Variants in RORB observed in about 807,000 individuals in gnomAD.
The protein encoded by RORB is RAR related orphan receptor B.
A neutral mutation model predicts 59.1 loss-of-function variants in RORB; 6 were observed. The observed-to-expected ratio is 0.10, with a 90% CI of 0.06 to 0.20. The LOEUF (loss-of-function observed/expected upper bound fraction) is 0.20. Among genes scored for constraint, RORB ranks in the 10% least tolerant of loss-of-function variants. RORB has a pLI of 1.00. For missense variants in RORB, 320 were observed against 560.5 expected, an observed-to-expected ratio of 0.57 and a Z score of 4.33; for synonymous variants, 215 against 204.5, an observed-to-expected ratio of 1.05 and a Z score of -0.44.
chr9:74,569,998 C>A (rs1699819738), intron 1 of RORB, among the ~76,000 whole-genome samples: 1 of 151,950 alleles, frequency 6.6e-6, no homozygotes, highest in Admixed American at 6.6e-5. Flanking sequence ...AACAGCATAT[C>A]CATTTTAACA....
rs754133590 is a variant in RORB, at chr9:74,642,475, G to T, written c.297G>T (p.Lys99Asn). The change falls in exon 4 of 10, where the codon AAG becomes AAT. Residue 99 changes from lysine to asparagine, a missense_variant. Transcript: ENST00000376896. ...QRDSLYAEVQ[K>N]HQQRLQEQRQ... ...ACAGCCTGTATGCTGAGGTGCAGAAGCACCAGCAGCGGCTGCAGGAACAGC... is the reference window on the plus strand; with the variant it reads ...ACAGCCTGTATGCTGAGGTGCAGAATCACCAGCAGCGGCTGCAGGAACAGC... 1.2e-6 allele frequency: 2 copies of T among 1,614,234 alleles called. No homozygotes were observed. The highest frequency in any genetic ancestry group is 2.2e-5 in the South Asian group (2 of 91,090).
intron 1 of RORB, chr9:74,498,462 A>AGCG (rs1362989402): frequency 6.3e-6 from 1 of 158,960 alleles, no homozygotes; most frequent in Non-Finnish European, 1.4e-5. Context: ...AGGCCCACTA[A>AGCG]GCGTCCTGGC....
intron 4 of RORB, among the ~76,000 whole-genome samples, chr9:74,651,602 A>G (rs1006311298): frequency 2.0e-5 from 3 of 152,074 alleles, no homozygotes; most frequent in Non-Finnish European, 4.4e-5. Context: ...AGCTTCACAC[A>G]GACCTTAGAA....
Position 74,582,055 on chromosome 9 carries a change from A to G in RORB, c.8-48227A>G, listed in dbSNP as rs764582497. Among the ~76,000 whole-genome samples the G allele has an allele frequency of 3.3e-5, 5 of 152,212 alleles. 1 individual carries two copies. Among genetic ancestry groups the G allele is most frequent in the Admixed American group, 1.3e-4 (2 of 15,278 alleles). ...TTTGTGGTGACAGTATAAATATTCT[A>G]TCATCTATTCAGTGTCTATTTATAT... On this transcript the variant is annotated intron_variant, in intron 1 of 9. Transcript: ENST00000376896.
At chr9:74,674,818 T>C (rs970247434) in intron 9 of RORB, among the ~76,000 whole-genome samples, 1 of 152,200 alleles carries the variant, frequency 6.6e-6, no homozygotes, top group Non-Finnish European at 1.5e-5. Context: ...TTATGATACA[T>C]AGCGTATTTA....
At chr9:74,553,679 C>T (rs1399912684) in intron 1 of RORB, among the ~76,000 whole-genome samples, 4 of 152,208 alleles carry the variant, frequency 2.6e-5, no homozygotes, top group Non-Finnish European at 5.9e-5. Flanking sequence ...TGTACAACCA[C>T]TAATTGATAG....
intron 1 of RORB, among the ~76,000 whole-genome samples, chr9:74,626,981 G>C (rs1823530094): frequency 1.3e-5 from 2 of 152,042 alleles, no homozygotes; most frequent in African/African-American, 4.8e-5. Flanking sequence ...GGCCAACATG[G>C]TGAAACCCCG....
rs137868260 is a variant in RORB at position 74,505,071 on chromosome 9, C to A, written c.7+7088C>A. ...CACAAAATTATCCTTAAAAAAGAAA[C>A]AGCAAGAGCTTTTTAAAAAGGCCTT... On this transcript the variant is annotated intron_variant, in intron 1 of 9. Transcript: ENST00000376896. 5.6e-3 allele frequency among the ~76,000 whole-genome samples: 852 copies of A among 152,122 alleles called. 5 individuals carry two copies. The highest frequency in any genetic ancestry group is 8.3e-3 in the Non-Finnish European group (562 of 67,936).
In RORB at chr9:74,687,636, A is replaced by T. The variant is rs1485724548; in HGVS notation, c.*2018A>T. On this transcript the variant is annotated 3_prime_UTR_variant, in exon 10 of 10. Coordinates refer to ENST00000376896, the MANE Select transcript of RORB (RefSeq NM_006914.4). Reference sequence around the variant, plus strand: ...AAATTACCTTTGGTTCTAAGAAGACAGCTGTAGACTGCTTATTATGCTGCT... The same window carrying T: ...AAATTACCTTTGGTTCTAAGAAGACTGCTGTAGACTGCTTATTATGCTGCT... The T allele has an allele frequency of 6.6e-6, 1 of 152,212 alleles. No homozygotes were observed. Among genetic ancestry groups the T allele is most frequent in the Non-Finnish European group, 1.5e-5 (1 of 68,032 alleles). The allele number at this position is 152,212 out of a possible 1,614,324, so 9.4% of individuals were successfully genotyped here.
chr9:74,689,140 T>G lies in RORB; in HGVS notation c.*3522T>G, dbSNP rs1017743121. 1 of 152,372 alleles carries G rather than the reference T, an allele frequency of 6.6e-6. No individual in the cohort carries two copies. Among genetic ancestry groups the G allele is most frequent in the Non-Finnish European group, 1.5e-5 (1 of 68,190 alleles). 9.4% of individuals were successfully genotyped at this position (152,372 alleles called of 1,614,324 possible). ...TTGAGACAGATCTTGTTCAACATGT[T>G]GCTCAGGCTGGAGTGCAGTGGCATG... On this transcript the variant is annotated 3_prime_UTR_variant, in exon 10 of 10. Transcript: ENST00000376896.
At chr9:74,593,079 T>G (rs960266663) in intron 1 of RORB, among the ~76,000 whole-genome samples, 4 of 152,164 alleles carry the variant, frequency 2.6e-5, no homozygotes, top group African/African-American at 9.7e-5. Flanking sequence ...TAGTGATGTC[T>G]TCCCCAGATA....
intron 1 of RORB, among the ~76,000 whole-genome samples, chr9:74,499,385 C>T (rs1825773012): frequency 6.6e-6 from 1 of 152,162 alleles, no homozygotes; most frequent in Non-Finnish European, 1.5e-5. Flanking sequence ...CTCCCGCACC[C>T]GGTGAGCCCC....
At chr9:74,513,573 C>A (rs1397312884) in intron 1 of RORB, among the ~76,000 whole-genome samples, 3 of 151,778 alleles carry the variant, frequency 2.0e-5, no homozygotes, top group African/African-American at 4.8e-5. Flanking sequence ...ATGGTTAAGT[C>A]TAAAATATAT....
chr9:74,533,425 C>T (rs1287641858), intron 1 of RORB, among the ~76,000 whole-genome samples: 1 of 151,938 alleles, frequency 6.6e-6, no homozygotes, highest in Non-Finnish European at 1.5e-5. Context: ...CTCACAGTGG[C>T]AGTGACAGCA....
Position 74,688,069 on chromosome 9 carries a change from C to T in RORB, c.*2451C>T, listed in dbSNP as rs946244273. ...GGCTCAGAATTTTTTCCTCCCTTTT[C>T]CCATGGGTGATATAGGAAAAAGATT... On this transcript the variant is annotated 3_prime_UTR_variant, in exon 10 of 10. Transcript: ENST00000376896. The T allele has an allele frequency of 9.9e-5, 15 of 152,174 alleles. No individual in the cohort carries two copies. The highest frequency in any genetic ancestry group is 3.6e-4 in the African/African-American group (15 of 41,440). The allele number at this position is 152,174 out of a possible 1,614,324, so 9.4% of individuals were successfully genotyped here. A position where few individuals can be genotyped will look rare whatever the true frequency, so the allele number is the denominator to read the frequency against.
chr9:74,636,254 G>A (rs2118439917), intron 3 of RORB, among the ~76,000 whole-genome samples: 1 of 152,250 alleles, frequency 6.6e-6, no homozygotes, highest in South Asian at 2.1e-4. Flanking sequence ...CTACCATGTG[G>A]CAGTAGGTAG....
intron 1 of RORB, among the ~76,000 whole-genome samples, chr9:74,586,964 T>G (rs1219518593): frequency 6.6e-6 from 1 of 152,186 alleles, no homozygotes; most frequent in Non-Finnish European, 1.5e-5. Flanking sequence ...AGTGAGCTCC[T>G]AACCAATCTG....
chr9:74,608,519 G>A (rs1037185175), intron 1 of RORB, among the ~76,000 whole-genome samples: 4 of 147,866 alleles, frequency 2.7e-5, no homozygotes, highest in Admixed American at 2.0e-4. Flanking sequence ...AGCCGAGATC[G>A]CGCCACTGCA....
chr9:74,633,012 G>T (rs1475373621), intron 2 of RORB, among the ~76,000 whole-genome samples: 3 of 152,162 alleles, frequency 2.0e-5, no homozygotes, highest in Non-Finnish European at 4.4e-5. Context: ...GGCTAAGCCA[G>T]TTGGGACTCT....
Sources: allele counts gnomAD v4.1 joint callset (sites outside exome capture counted in the v4.1 genomes callset), GRCh38; gene constraint gnomAD v4.1.1; transcripts MANE v1.5; gene names NCBI Gene and HGNC (gene_info 2026-07-23, HGNC 2026-07-21).